ADAR: variants seen among roughly 807,000 people sequenced by gnomAD.
ADAR encodes double-stranded RNA-specific adenosine deaminase.
In ADAR, 41 loss-of-function variants were observed where a neutral mutation model predicts 113.2. The observed-to-expected ratio is 0.36, with a 90% CI of 0.28 to 0.47. ADAR has a LOEUF of 0.47. Among genes scored for constraint, ADAR ranks in the 20% least tolerant of loss-of-function variants. The pLI is 1.00. For missense variants in ADAR, 1,242 were observed against 1,540.9 expected (o/e 0.81, Z 3.25); for synonymous variants, 605 against 572.6 (o/e 1.06, Z -0.81).
intron 1 of ADAR, among the ~76,000 whole-genome samples, chr1:154,626,733 T>G (rs1404708568): frequency 6.6e-6 from 1 of 151,972 alleles, no homozygotes; most frequent in African/African-American, 2.4e-5. Flanking sequence ...CAAGTAGGAG[T>G]GGAGAGGTTA....
intron 8 of ADAR, 121 bp downstream of exon 8, chr1:154,589,636 T>C (rs1696991484): frequency 1.5e-6 from 2 of 1,325,710 alleles, no homozygotes; most frequent in East Asian, 4.7e-5. Flanking sequence ...CTGAATTGAC[T>C]GTAGCTAAAA....
rs1697057806 is a variant in ADAR, at chr1:154,590,281, T to C, written c.2399A>G (p.Glu800Gly). The C allele has an allele frequency of 9.3e-6, 15 of 1,614,146 alleles. No individual in the cohort carries two copies. Among genetic ancestry groups the C allele is most frequent in the Non-Finnish European group, 1.3e-5 (15 of 1,180,010 alleles). Residue 800 changes from glutamate to glycine, a missense_variant, in exon 7 of 15, where the codon GAA becomes GGA. By Grantham distance (98) the Glu-to-Gly change is moderately conservative. Transcript: ENST00000368474. ...RVLIGENEKA[E>G]RMGFTEVTPV... Reference sequence around the variant, plus strand: ...GGTTACCTCTGTGAAACCCATGCGTTCTGCCTTCTCGTTCTCCCCAATCAA... The same window carrying C: ...GGTTACCTCTGTGAAACCCATGCGTCCTGCCTTCTCGTTCTCCCCAATCAA...
chr1:154,616,812 C>T (rs1356430085), intron 1 of ADAR, among the ~76,000 whole-genome samples: 1 of 152,156 alleles, frequency 6.6e-6, no homozygotes, highest in Admixed American at 6.5e-5. Context: ...GTACCCAGAA[C>T]GAAGGTTAAG....
Position 154,598,435 on chromosome 1 carries a change from T to A in ADAR, c.1752A>T (p.Ser584=), listed in dbSNP as rs762066442. 1 of 1,614,062 alleles carries A rather than the reference T, an allele frequency of 6.2e-7. No individual in the cohort carries two copies. ...KAKDSGKSEE[S]SHYSTEKESE... The stretch of plus-strand genomic sequence containing the variant: ...ATTCTTTCTCTGTGGAATAGTGGGA[T>A]GATTCTTCTGATTTTCCACTGTCCT... Residue 584 remains serine, a synonymous_variant, in exon 3 of 15, where the codon TCA becomes TCT. Transcript: ENST00000368474.
At chr1:154,598,255 G>T in intron 3 of ADAR, 147 bp downstream of exon 3, 5 of 904,476 alleles carry the variant, frequency 5.5e-6, no homozygotes, top group Non-Finnish European at 7.1e-6. Context: ...GAGGAAAGGT[G>T]GGCTGGCGAG....
intron 6 of ADAR, among the ~76,000 whole-genome samples, chr1:154,595,199 G>A (rs1219378623): frequency 6.6e-6 from 1 of 152,068 alleles, no homozygotes; most frequent in Non-Finnish European, 1.5e-5. Flanking sequence ...TGTGAACTGT[G>A]AATGCGAGGG....
Position 154,590,125 on chromosome 1 carries a change from CTTAGGAG to C in ADAR, c.2496+52_2496+58del, listed in dbSNP as rs1697033104. The C allele has an allele frequency of 6.8e-6, 10 of 1,463,266 alleles. No homozygotes were observed. In the African/African-American group the frequency reaches 1.3e-4, roughly 19 times the overall value. The allele number at this position is 1,463,266 out of a possible 1,614,324, so 90.6% of individuals were successfully genotyped here. A position where few individuals can be genotyped will look rare whatever the true frequency, so the allele number is the denominator to read the frequency against. The stretch of plus-strand genomic sequence containing the variant: ...CGCATGACAGCAAGAGCCACCTCCA[CTTAGGAG>C]TTAGGAGGACCCCCCCGCCCCAAAA... On this transcript the variant is annotated intron_variant, in intron 7 of 14. Coordinates refer to ENST00000368474, the MANE Select transcript of ADAR (RefSeq NM_001111.5).
chr1:154,608,281 G>T, upstream of ADAR: 1 of 495,206 alleles, frequency 2.0e-6, no homozygotes, highest in Non-Finnish European at 3.5e-6. Flanking sequence ...TTGGTTTCAG[G>T]CCGGTTACAA....
chr1:154,627,858 G>T, exon 1 of ADAR: 1 of 517,826 alleles, frequency 1.9e-6, no homozygotes, highest in Non-Finnish European at 3.8e-6. Context: ...CTCTTACCGG[G>T]TCTTGCACTT....
Position 154,590,283 on chromosome 1 carries a change from T to C in ADAR, c.2397A>G (p.Ala799=). The C allele has an allele frequency of 6.2e-7, 1 of 1,614,152 alleles. No homozygotes were observed. Residue 799 remains alanine (A), a synonymous_variant, in exon 7 of 15, where the codon GCA becomes GCG. Coordinates refer to ENST00000368474, the MANE Select transcript of ADAR (RefSeq NM_001111.5). ...TTACCTCTGTGAAACCCATGCGTTC[T>C]GCCTTCTCGTTCTCCCCAATCAAGA... The part of the protein sequence containing the change: ...LRVLIGENEK[A]ERMGFTEVTP...
chr1:154,621,074 T>TA (rs954225443), intron 1 of ADAR, among the ~76,000 whole-genome samples: 34 of 152,240 alleles, frequency 2.2e-4, no homozygotes, highest in African/African-American at 7.7e-4. Context: ...ATGTGAATCT[T>TA]AGTTTTGTCA....
intron 1 of ADAR, among the ~76,000 whole-genome samples, chr1:154,626,227 G>A (rs1698935574): frequency 6.7e-6 from 1 of 149,806 alleles, no homozygotes; most frequent in Non-Finnish European, 1.5e-5. Context: ...AGATTGTCCT[G>A]CCTCAGCCTC....
At chr1:154,598,359 C>T in intron 3 of ADAR, 43 bp downstream of exon 3, 1 of 1,603,366 alleles carries the variant, frequency 6.2e-7, no homozygotes, top group Non-Finnish European at 8.5e-7. Flanking sequence ...AATCCAGACA[C>T]TGACAGGGAA....
intron 6 of ADAR, among the ~76,000 whole-genome samples, chr1:154,596,024 G>A (rs973179077): frequency 6.6e-6 from 1 of 152,146 alleles, no homozygotes; most frequent in African/African-American, 2.4e-5. Flanking sequence ...TAGCCTAGGA[G>A]CAACCGGCCA....
chr1:154,584,591 G>C lies in ADAR; in HGVS notation c.*215C>G, dbSNP rs1696620948. The C allele has an allele frequency of 5.3e-6, 3 of 571,360 alleles. No homozygotes were observed. The highest frequency in any genetic ancestry group is 2.9e-5 in the East Asian group (1 of 34,832). The allele number at this position is 571,360 out of a possible 1,614,324, so 35.4% of individuals were successfully genotyped here. A position where few individuals can be genotyped will look rare whatever the true frequency, so the allele number is the denominator to read the frequency against. ...TTCTTAGGTTTCTGCCTCTTCACTT[G>C]GGGGAAAAAAGGGGGGCCTGGCCAG... On this transcript the variant is annotated 3_prime_UTR_variant, in exon 15 of 15. Coordinates refer to ENST00000368474, the MANE Select transcript of ADAR (RefSeq NM_001111.5).
At chr1:154,587,595 T>C (rs1471694395) in intron 11 of ADAR, among the ~76,000 whole-genome samples, 1 of 152,170 alleles carries the variant, frequency 6.6e-6, no homozygotes, top group Non-Finnish European at 1.5e-5. Flanking sequence ...TGATGACTGC[T>C]GACGTGGCCT....
chr1:154,614,645 C>G (rs144992305), intron 1 of ADAR, among the ~76,000 whole-genome samples: 95 of 152,350 alleles, frequency 6.2e-4, no homozygotes, highest in African/African-American at 2.3e-3. Flanking sequence ...CTTGGATAAC[C>G]AATTTACGAA....
chr1:154,598,730 C>T (rs1407314712), intron 2 of ADAR, 145 bp from the exon 3 acceptor site: 4 of 803,342 alleles, frequency 5.0e-6, no homozygotes, highest in African/African-American at 3.4e-5. Context: ...GAACTCCTTC[C>T]TACTCCTTAA....
chr1:154,597,765 G>A, intron 4 of ADAR, 63 bp downstream of exon 4: 1 of 1,608,078 alleles, frequency 6.2e-7, no homozygotes, highest in Non-Finnish European at 8.5e-7. Flanking sequence ...AGGCAAGGAA[G>A]AAAATGTGTC....
Sources: gnomAD v4.1 joint callset for allele counts (sites outside exome capture counted in the v4.1 genomes callset) on GRCh38, gnomAD v4.1.1 for gene constraint, MANE v1.5 for transcripts, NCBI Gene and HGNC (gene_info 2026-07-23, HGNC 2026-07-21) for gene names.